PIK3C3: variants seen among roughly 807,000 people sequenced by gnomAD.
PIK3C3 encodes PI3-kinase type 3.
In PIK3C3, 95 loss-of-function variants were observed where a neutral mutation model predicts 126.1. The observed-to-expected ratio is 0.75, with a 90% CI of 0.64 to 0.89. The LOEUF is 0.89. Ranked by LOEUF, PIK3C3 falls within the 40% of genes least tolerant of loss-of-function variation. The pLI, the probability that PIK3C3 is intolerant of heterozygous loss-of-function variation, is 0.00. For missense variants in PIK3C3, 829 were observed against 1,063.2 expected, an observed-to-expected ratio of 0.78 and a Z score of 3.06; for synonymous variants, 374 against 360.0, an observed-to-expected ratio of 1.04 and a Z score of -0.44.
At position 42,033,619 on chromosome 18, in the gene PIK3C3, C is replaced by T. The variant is rs146933059; in HGVS notation, c.1708-207C>T. On this transcript the variant is annotated intron_variant, in intron 15 of 24. Coordinates refer to ENST00000262039, the MANE Select transcript of PIK3C3 (RefSeq NM_002647.4). ...GAAAAGTCCAACTTTCACAGTCAAG[C>T]GATTGTTTGGTTTAAAGCATGCTGC... Among the ~76,000 whole-genome samples the T allele has an allele frequency of 2.7e-3, 406 of 152,238 alleles. 2 individuals carry two copies. Among genetic ancestry groups the T allele is most frequent in the African/African-American group, 9.3e-3 (385 of 41,552 alleles).
intron 15 of PIK3C3, among the ~76,000 whole-genome samples, chr18:42,032,531 A>C (rs561280255): frequency 1.3e-5 from 2 of 152,144 alleles, no homozygotes; most frequent in South Asian, 4.2e-4. Context: ...CAAGATGAGA[A>C]ATCATGGTGG....
chr18:42,033,272 T>C (rs1462494771), intron 15 of PIK3C3, among the ~76,000 whole-genome samples: 4 of 152,200 alleles, frequency 2.6e-5, no homozygotes, highest in Admixed American at 1.3e-4. Context: ...GCATTATGTA[T>C]ATGAGCTGAA....
intron 3 of PIK3C3, among the ~76,000 whole-genome samples, chr18:41,962,876 A>G (rs1040764034): frequency 2.0e-5 from 3 of 152,210 alleles, no homozygotes; most frequent in Non-Finnish European, 4.4e-5. Flanking sequence ...CTAGTAGAAA[A>G]TAGAAGTCAT....
At chr18:42,003,967 G>A (rs1982416279) in intron 9 of PIK3C3, among the ~76,000 whole-genome samples, 1 of 152,206 alleles carries the variant, frequency 6.6e-6, no homozygotes, top group African/African-American at 2.4e-5. Context: ...CCTTCGCTCA[G>A]TGGTTGCAGT....
intron 3 of PIK3C3, among the ~76,000 whole-genome samples, chr18:41,968,347 G>C (rs1980478171): frequency 6.6e-6 from 1 of 152,156 alleles, no homozygotes; most frequent in Admixed American, 6.5e-5. Flanking sequence ...AAGCAGGCCT[G>C]CTTAATGTTG....
At chr18:41,955,449 G>A (rs750293529) in intron 1 of PIK3C3, 90 bp downstream of exon 1, 50 of 1,127,468 alleles carry the variant, frequency 4.4e-5, no homozygotes, top group South Asian at 8.0e-5. Flanking sequence ...CAGAAAGTAC[G>A]TGACTCGTCT....
At chr18:42,073,092 A>G (rs1985843460) in intron 24 of PIK3C3, among the ~76,000 whole-genome samples, 1 of 152,246 alleles carries the variant, frequency 6.6e-6, no homozygotes. Context: ...GATTAACTAG[A>G]GACAGAGGTT....
intron 6 of PIK3C3, among the ~76,000 whole-genome samples, chr18:41,991,137 G>A (rs1173370372): frequency 6.6e-6 from 1 of 152,090 alleles, no homozygotes; most frequent in Non-Finnish European, 1.5e-5. Flanking sequence ...TGTTTATTAT[G>A]TACCTACTTG....
At chr18:42,078,383 C>CAAAA (rs60269462) in intron 24 of PIK3C3, among the ~76,000 whole-genome samples, 2 of 72,838 alleles carry the variant, frequency 2.7e-5, no homozygotes, top group African/African-American at 5.2e-5. Flanking sequence ...GACTCTGTCT[C>CAAAA]AAAAAAAAAA....
intron 4 of PIK3C3, among the ~76,000 whole-genome samples, chr18:41,974,891 G>C (rs577111913): frequency 5.6e-4 from 85 of 152,196 alleles, no homozygotes; most frequent in Non-Finnish European, 1.1e-3. Context: ...TGAAAGGTTA[G>C]TGCAAAAGCA....
intron 20 of PIK3C3, among the ~76,000 whole-genome samples, chr18:42,045,738 T>G (rs1288821278): frequency 1.3e-5 from 2 of 152,216 alleles, no homozygotes; most frequent in Non-Finnish European, 2.9e-5. Flanking sequence ...AAGCTCTGGA[T>G]GAAAAGGGTG....
chr18:42,001,483 TA>T (rs931190575), intron 9 of PIK3C3, among the ~76,000 whole-genome samples: 1 of 152,206 alleles, frequency 6.6e-6, no homozygotes, highest in Non-Finnish European at 1.5e-5. Flanking sequence ...CATGGATCAG[TA>T]AAGCATCTTT....
In PIK3C3 at chr18:42,084,187, C is replaced by T. The variant is rs895558397; in HGVS notation, c.*3050C>T. ...ATTGTTAACCTACAACCATAATATA[C>T]CTTAAGTATATTTTTGCACATAAGT... On this transcript the variant is annotated 3_prime_UTR_variant, in exon 25 of 25. Transcript: ENST00000262039. 6.6e-6 allele frequency: 1 copy of T among 152,034 alleles called. No homozygotes were observed. The highest frequency in any genetic ancestry group is 2.4e-5 in the African/African-American group (1 of 41,366). 9.4% of individuals were successfully genotyped at this position (152,034 alleles called of 1,614,324 possible).
intron 15 of PIK3C3, among the ~76,000 whole-genome samples, chr18:42,030,588 G>A (rs921698026): frequency 2.0e-5 from 3 of 152,198 alleles, no homozygotes; most frequent in Non-Finnish European, 4.4e-5. Context: ...GAAGTAATGA[G>A]TAACGTTCAG....
chr18:42,040,377 A>C (rs1218636003), intron 18 of PIK3C3, among the ~76,000 whole-genome samples: 1 of 152,038 alleles, frequency 6.6e-6, no homozygotes. Flanking sequence ...AGAAAGAAGA[A>C]ATTTTTGATG....
chr18:42,064,806 TG>T lies in PIK3C3; in HGVS notation c.2500del (p.Glu834AsnfsTer6). 1 of 1,596,990 alleles carries T rather than the reference TG, an allele frequency of 6.3e-7. No homozygotes were observed. The highest frequency in any genetic ancestry group is 8.6e-7 in the Non-Finnish European group (1 of 1,164,656). On this transcript the variant is annotated frameshift_variant, in exon 23 of 25. Transcript: ENST00000262039. LOFTEE classifies it high-confidence loss of function. ...VDANIPDIALEPDKTVKKVQD... is the reference protein window; with the variant it reads ...VDANIPDIALXPDKTVKKVQD... ...ATGCAAACATTCCAGATATTGCACTTGAACCAGATAAAACTGTGAAAAAGGT... is the reference window on the plus strand; with the variant it reads ...ATGCAAACATTCCAGATATTGCACTTAACCAGATAAAACTGTGAAAAAGGT...
intron 24 of PIK3C3, chr18:42,070,491 T>C (rs1200841209): frequency 2.6e-5 from 4 of 152,150 alleles, no homozygotes; most frequent in Admixed American, 2.0e-4. Context: ...CCATTTTTCT[T>C]AATTCTCTTT....
At position 42,001,549 on chromosome 18, in the gene PIK3C3, A is replaced by T. The variant is rs1341688992; in HGVS notation, c.985-2807A>T. On this transcript the variant is annotated intron_variant, in intron 9 of 24. Coordinates refer to ENST00000262039, the MANE Select transcript of PIK3C3 (RefSeq NM_002647.4). ...TTATTATTGCTGTCTTCAAATTCTT[A>T]CTTTTTGTCTTTCTTATTCTTTGAC... 4.6e-5 allele frequency among the ~76,000 whole-genome samples: 7 copies of T among 152,254 alleles called. No homozygotes were observed. The South Asian group carries it at 1.2e-3, about 27-fold the overall frequency.
chr18:41,970,420 C>T lies in PIK3C3; in HGVS notation c.495C>T (p.Ser165=), dbSNP rs768971604. 7 of 1,613,772 alleles carry T rather than the reference C, an allele frequency of 4.3e-6. No homozygotes were observed. In the South Asian group the frequency reaches 6.6e-5, roughly 15 times the overall value. The change falls in exon 4 of 25, where the codon AGC becomes AGT. Residue 165 remains serine (S), a synonymous_variant. Coordinates refer to ENST00000262039, the MANE Select transcript of PIK3C3 (RefSeq NM_002647.4). ...EPTKTPGRTS[S]TLSEDQMSRL... ...CAAAAACTCCTGGCAGAACAAGTAGCACTCTCTCAGAAGATCAGATGAGCC... is the reference window on the plus strand; with the variant it reads ...CAAAAACTCCTGGCAGAACAAGTAGTACTCTCTCAGAAGATCAGATGAGCC...
Sources: gnomAD v4.1 joint callset for allele counts (sites outside exome capture counted in the v4.1 genomes callset) on GRCh38, gnomAD v4.1.1 for gene constraint, MANE v1.5 for transcripts, NCBI Gene and HGNC (gene_info 2026-07-23, HGNC 2026-07-21) for gene names.